Variants in AKAP6 observed in about 807,000 individuals in gnomAD.
AKAP6 encodes the protein A-kinase anchor protein 6.
In AKAP6, 58 loss-of-function variants were observed where a neutral mutation model predicts 188.5. The observed-to-expected ratio is 0.31, with a 90% CI of 0.25 to 0.38. The LOEUF is 0.38. Ranked by LOEUF, AKAP6 falls within the 10% of genes least tolerant of loss-of-function variation. The pLI, the probability that AKAP6 is intolerant of heterozygous loss-of-function variation, is 1.00. For missense variants in AKAP6, 2,710 were observed against 2,740.0 expected (o/e 0.99, Z 0.24); for synonymous variants, 989 against 998.6 (o/e 0.99, Z 0.18).
chr14:32,346,442 C>G (rs1235130741), intron 1 of AKAP6, among the ~76,000 whole-genome samples: 1 of 152,240 alleles, frequency 6.6e-6, no homozygotes, highest in African/African-American at 2.4e-5. Flanking sequence ...TTACCAAGCA[C>G]TTTCACTTGT....
At chr14:32,693,472 C>T (rs893089832) in intron 8 of AKAP6, 4 of 152,118 alleles carry the variant, frequency 2.6e-5, no homozygotes, top group African/African-American at 9.7e-5. Context: ...GAATTCTAAC[C>T]GAAGATCTCT....
At chr14:32,604,772 T>C (rs1886065371) in intron 7 of AKAP6, among the ~76,000 whole-genome samples, 1 of 150,170 alleles carries the variant, frequency 6.7e-6, no homozygotes, top group African/African-American at 2.5e-5. Flanking sequence ...GAACAGCACC[T>C]AGCACATAGT....
At chr14:32,799,823 T>G (rs1297107146) in intron 12 of AKAP6, among the ~76,000 whole-genome samples, 2 of 152,020 alleles carry the variant, frequency 1.3e-5, no homozygotes, top group Non-Finnish European at 2.9e-5. Context: ...GTCAATTAGA[T>G]CAAGTCAAGT....
chr14:32,594,154 C>T (rs1202880560), intron 5 of AKAP6, among the ~76,000 whole-genome samples: 1 of 152,152 alleles, frequency 6.6e-6, no homozygotes, highest in Non-Finnish European at 1.5e-5. Flanking sequence ...CTAATTCTTA[C>T]AGCTGCCTGC....
At chr14:32,443,426 C>CA (rs79849407) in intron 2 of AKAP6, among the ~76,000 whole-genome samples, 3 of 150,864 alleles carry the variant, frequency 2.0e-5, no homozygotes, top group East Asian at 3.9e-4. Context: ...AACAAAAAAA[C>CA]AAAAAAACCC....
Position 32,545,544 on chromosome 14 carries a change from A to G in AKAP6, c.891A>G (p.Val297=), listed in dbSNP as rs1157898870. The change falls in exon 4 of 14, where the codon GTA becomes GTG. Residue 297 remains valine, a synonymous_variant. Transcript: ENST00000280979. ...SEAVTEEVSQ[V]SLSVDDKGGC... ...CAGTTACTGAGGAGGTATCTCAAGT[A>G]TCTCTCTCAGTAGACGACAAAGGTG... 1 of 1,614,114 alleles carries G rather than the reference A, an allele frequency of 6.2e-7. No homozygotes were observed. Among genetic ancestry groups the G allele is most frequent in the East Asian group, 2.2e-5 (1 of 44,900 alleles).
At chr14:32,383,694 C>T (rs1031061832) in intron 1 of AKAP6, among the ~76,000 whole-genome samples, 1 of 152,148 alleles carries the variant, frequency 6.6e-6, no homozygotes, top group African/African-American at 2.4e-5. Context: ...ATTTGCTTTT[C>T]CTTGGTTGAT....
intron 8 of AKAP6, among the ~76,000 whole-genome samples, chr14:32,694,275 G>C (rs1354352981): frequency 6.6e-6 from 1 of 151,636 alleles, no homozygotes; most frequent in Non-Finnish European, 1.5e-5. Context: ...GCAGGAGAAT[G>C]GTGTGAACCC....
At position 32,824,780 on chromosome 14, in the gene AKAP6, C is replaced by T. The variant is rs959440209; in HGVS notation, c.*7C>T. 2.5e-6 allele frequency: 4 copies of T among 1,603,174 alleles called. No individual in the cohort carries two copies. Among genetic ancestry groups the T allele is most frequent in the Admixed American group, 1.7e-5 (1 of 58,288 alleles). On this transcript the variant is annotated 3_prime_UTR_variant, in exon 13 of 14. Transcript: ENST00000280979. Reference sequence around the variant, plus strand: ...TAGAAATATGCATAGGTAGAATGTACCCCCTCCCCAAGCATGAAAATCATC... The same window carrying T: ...TAGAAATATGCATAGGTAGAATGTATCCCCTCCCCAAGCATGAAAATCATC...
chr14:32,399,616 C>G (rs1889012916), intron 1 of AKAP6, among the ~76,000 whole-genome samples: 1 of 152,176 alleles, frequency 6.6e-6, no homozygotes, highest in Admixed American at 6.5e-5. Flanking sequence ...AGAATAACCT[C>G]AAGCTTCCTC....
At chr14:32,732,340 T>G in intron 9 of AKAP6, 114 bp from the exon 10 acceptor site, 1 of 1,214,470 alleles carries the variant, frequency 8.2e-7, no homozygotes, top group South Asian at 1.6e-5. Context: ...TCCCCATAAA[T>G]TTTATTGGGA....
chr14:32,524,667 A>G (rs1243675837), intron 2 of AKAP6, among the ~76,000 whole-genome samples: 1 of 152,210 alleles, frequency 6.6e-6, no homozygotes, highest in African/African-American at 2.4e-5. Flanking sequence ...TCTGGCGCAC[A>G]AAGAATGTAA....
intron 2 of AKAP6, among the ~76,000 whole-genome samples, chr14:32,490,588 A>C (rs141222798): frequency 0.018 from 2,694 of 152,046 alleles, 27 homozygotes; most frequent in Middle Eastern, 0.027. Context: ...TGAAAGCCTA[A>C]ATTTTTACCA....
intron 8 of AKAP6, among the ~76,000 whole-genome samples, chr14:32,687,855 A>G (rs1053318265): frequency 3.3e-5 from 5 of 152,128 alleles, no homozygotes; most frequent in Admixed American, 3.3e-4. Context: ...CCACTATGTA[A>G]GTATTTAAAT....
In AKAP6 at chr14:32,745,160, T is replaced by C. The variant is rs370569133; in HGVS notation, c.3372+9278T>C. Among the ~76,000 whole-genome samples the C allele has an allele frequency of 5.9e-5, 9 of 152,282 alleles. No individual in the cohort carries two copies. The East Asian group carries it at 1.7e-3, about 29-fold the overall frequency. On this transcript the variant is annotated intron_variant, in intron 11 of 13. Coordinates refer to ENST00000280979, the MANE Select transcript of AKAP6 (RefSeq NM_004274.5). ...TTTTCCTGGAATGTGTTGATTCTAG[T>C]AGATGTTCTTCGGTATCTGGGCATT...
At chr14:32,594,894 A>T (rs560843499) in intron 5 of AKAP6, among the ~76,000 whole-genome samples, 1 of 152,288 alleles carries the variant, frequency 6.6e-6, no homozygotes, top group African/African-American at 2.4e-5. Context: ...CATCAGTTCA[A>T]TATGTCTTTC....
chr14:32,808,980 A>C (rs2034156848), intron 12 of AKAP6, among the ~76,000 whole-genome samples: 1 of 152,240 alleles, frequency 6.6e-6, no homozygotes. Context: ...CGCACATCAT[A>C]AGTCTTCACT....
At chr14:32,814,974 C>T (rs1464655706) in intron 12 of AKAP6, among the ~76,000 whole-genome samples, 1 of 152,210 alleles carries the variant, frequency 6.6e-6, no homozygotes, top group Non-Finnish European at 1.5e-5. Context: ...ACAGGACAGT[C>T]AGAGTACCTG....
chr14:32,392,905 C>T (rs1190818119), intron 1 of AKAP6, among the ~76,000 whole-genome samples: 1 of 151,952 alleles, frequency 6.6e-6, no homozygotes, highest in Non-Finnish European at 1.5e-5. Flanking sequence ...AGAACTCTAA[C>T]AAATGTTGAA....
Sources: gnomAD v4.1 joint callset for allele counts (sites outside exome capture counted in the v4.1 genomes callset) on GRCh38, gnomAD v4.1.1 for gene constraint, MANE v1.5 for transcripts, NCBI Gene and HGNC (gene_info 2026-07-23, HGNC 2026-07-21) for gene names.